Variants in PKP4 observed in about 807,000 individuals in gnomAD.
PKP4 encodes plakophilin 4, also known as plakophilin-4.
A neutral mutation model predicts 145.1 loss-of-function variants in PKP4; 90 were observed. That is an observed-to-expected ratio of 0.62 (90% CI 0.52 to 0.74). The LOEUF is 0.74. Ranked by LOEUF, PKP4 falls within the 30% of genes least tolerant of loss-of-function variation. The probability of loss-of-function intolerance (pLI) is 0.00; values close to 1 mark genes in which losing one functional copy is unlikely to be tolerated. For synonymous variants in PKP4, 563 were observed against 577.2 expected, an observed-to-expected ratio of 0.98 and a Z score of 0.35; for missense variants, 1,340 against 1,482.7, an observed-to-expected ratio of 0.90 and a Z score of 1.58.
Position 158,620,970 on chromosome 2 carries a change from T to A in PKP4, c.281-20T>A, listed in dbSNP as rs1206625675. On this transcript the variant is annotated intron_variant, in intron 4 of 21. Transcript: ENST00000389759. ...ATGTAATGTTATTATATTTAGCTGA[T>A]TAAACTTTTCTTGTTACAGACGTGC... 6.2e-7 allele frequency: 1 copy of A among 1,610,690 alleles called. No individual in the cohort carries two copies. Among genetic ancestry groups the A allele is most frequent in the South Asian group, 1.1e-5 (1 of 90,548 alleles).
At chr2:158,508,970 C>A (rs2041257576) in intron 1 of PKP4, among the ~76,000 whole-genome samples, 1 of 152,100 alleles carries the variant, frequency 6.6e-6, no homozygotes, top group Non-Finnish European at 1.5e-5. Context: ...AATGTACCAT[C>A]TTTGGGAGGT....
chr2:158,493,361 T>A (rs573651123), intron 1 of PKP4, among the ~76,000 whole-genome samples: 80 of 152,362 alleles, frequency 5.3e-4, no homozygotes, highest in African/African-American at 1.9e-3. Context: ...CCAAGTGTTT[T>A]TTCCACCAGT....
In PKP4 at chr2:158,509,269, C is replaced by T. The variant is rs116081526; in HGVS notation, c.-5-23911C>T. 9.8e-3 allele frequency among the ~76,000 whole-genome samples: 1,485 copies of T among 152,148 alleles called. 19 individuals are homozygous for T. Among genetic ancestry groups the T allele is most frequent in the South Asian group, 0.037 (180 of 4,824 alleles). ...CACTCTGAATAAATGAAGTATCAAG[C>T]AAAATTTTAAGAGTAACAATATTTT... On this transcript the variant is annotated intron_variant, in intron 1 of 21. Coordinates refer to ENST00000389759, the MANE Select transcript of PKP4 (RefSeq NM_003628.6).
At chr2:158,543,729 A>C (rs2044716906) in intron 2 of PKP4, among the ~76,000 whole-genome samples, 1 of 152,202 alleles carries the variant, frequency 6.6e-6, no homozygotes, top group South Asian at 2.1e-4. Context: ...TAAGTAATGC[A>C]AAGGATCAAG....
At chr2:158,480,031 G>T (rs1472788658) in intron 1 of PKP4, among the ~76,000 whole-genome samples, 1 of 152,140 alleles carries the variant, frequency 6.6e-6, no homozygotes, top group Non-Finnish European at 1.5e-5. Flanking sequence ...CGTTGATTCT[G>T]AACTGCTACT....
At chr2:158,662,517 T>C (rs964228474) in intron 13 of PKP4, 1 of 161,610 alleles carries the variant, frequency 6.2e-6, no homozygotes, top group Non-Finnish European at 1.3e-5. Context: ...CTTGGGGATA[T>C]AGTTGTCCCC....
intron 3 of PKP4, among the ~76,000 whole-genome samples, chr2:158,583,265 A>G (rs2048486706): frequency 6.6e-6 from 1 of 152,166 alleles, no homozygotes; most frequent in South Asian, 2.1e-4. Flanking sequence ...TGAGAGTAAA[A>G]GGGTCCAATA....
chr2:158,502,934 C>T (rs979058218), intron 1 of PKP4, among the ~76,000 whole-genome samples: 6 of 152,114 alleles, frequency 3.9e-5, no homozygotes, highest in Admixed American at 1.3e-4. Flanking sequence ...GCTCTGTGGT[C>T]GTCTATTTAT....
At chr2:158,627,999 T>G (rs2052979622) in intron 7 of PKP4, among the ~76,000 whole-genome samples, 1 of 151,872 alleles carries the variant, frequency 6.6e-6, no homozygotes, top group Non-Finnish European at 1.5e-5. Flanking sequence ...TATTTTTTTT[T>G]GAGACGGAGT....
intron 2 of PKP4, among the ~76,000 whole-genome samples, chr2:158,557,078 C>T (rs2046160043): frequency 6.6e-6 from 1 of 152,112 alleles, no homozygotes; most frequent in Non-Finnish European, 1.5e-5. Context: ...TCATGATCTA[C>T]ACCTCTAAAA....
rs144056673 is a variant in PKP4 at position 158,676,787 on chromosome 2, G to A, written c.3176G>A (p.Arg1059His). 242 of 1,613,608 alleles carry A rather than the reference G, an allele frequency of 1.5e-4. 1 individual carries two copies. The highest frequency in any genetic ancestry group is 2.0e-4 in the Non-Finnish European group (231 of 1,179,724). The change falls in exon 20 of 22, where the codon CGC becomes CAC. Residue 1059 changes from arginine to histidine, a missense_variant. By Grantham distance (29) the Arg-to-His change is conservative. Coordinates refer to ENST00000389759, the MANE Select transcript of PKP4 (RefSeq NM_003628.6). ...SPALLGIRDP[R>H]SEYDRTQPPM... ...GCACTGTTAGGAATCAGAGACCCTC[G>A]CTCTGAATACGATAGGACCCAGCCA...
chr2:158,512,429 G>A (rs1249366630), intron 1 of PKP4, among the ~76,000 whole-genome samples: 2 of 152,208 alleles, frequency 1.3e-5, no homozygotes, highest in Non-Finnish European at 2.9e-5. Context: ...CACAGCAGTG[G>A]TAGAGAGTTG....
chr2:158,554,321 C>T (rs2045889211), intron 2 of PKP4, among the ~76,000 whole-genome samples: 2 of 152,242 alleles, frequency 1.3e-5, no homozygotes, highest in South Asian at 4.1e-4. Flanking sequence ...AGGGCAGTCC[C>T]TTGGCTTTCT....
rs150795426 is a variant in PKP4, at chr2:158,529,171, C to G, written c.-5-4009C>G. ...TACCATTAGCTCCAAAAGGAAAGGC[C>G]TCCGTTATTGCTCCAACCTTTAATT... On this transcript the variant is annotated intron_variant, in intron 1 of 21. Transcript: ENST00000389759. 2.3e-3 allele frequency among the ~76,000 whole-genome samples: 346 copies of G among 152,280 alleles called. 1 individual carries two copies. The highest frequency in any genetic ancestry group is 3.7e-3 in the Non-Finnish European group (249 of 68,014).
chr2:158,619,343 T>C (rs2051969266), intron 4 of PKP4, among the ~76,000 whole-genome samples: 1 of 152,188 alleles, frequency 6.6e-6, no homozygotes. Flanking sequence ...AATTCCAAAC[T>C]GAAGCAATCA....
chr2:158,680,442 A>G lies in PKP4; in HGVS notation c.3344A>G (p.Tyr1115Cys). The G allele has an allele frequency of 6.2e-7, 1 of 1,610,412 alleles. No individual in the cohort carries two copies. The highest frequency in any genetic ancestry group is 8.5e-7 in the Non-Finnish European group (1 of 1,178,422). Residue 1115 changes from tyrosine (Y) to cysteine (C), a missense_variant, in exon 22 of 22, where the codon TAT (tyrosine) becomes TGT (cysteine). By Grantham distance (194) the Tyr-to-Cys change is radical. Transcript: ENST00000389759. ...QNRRLQHQQL[Y>C]YSQDDSNRKN... Reference sequence around the variant, plus strand: ...TTTTGTCAACAGCATCAACAGCTGTATTATAGTCAAGATGACTCCAACAGA... The same window carrying G: ...TTTTGTCAACAGCATCAACAGCTGTGTTATAGTCAAGATGACTCCAACAGA...
intron 10 of PKP4, 76 bp downstream of exon 10, chr2:158,640,835 A>G (rs2054218986): frequency 2.0e-6 from 3 of 1,486,236 alleles, no homozygotes. Context: ...TCTGTATTTA[A>G]GAAATTACCC....
chr2:158,608,642 C>CTTTCTAATA (rs1344950544), intron 4 of PKP4, among the ~76,000 whole-genome samples: 1 of 151,998 alleles, frequency 6.6e-6, no homozygotes, highest in African/African-American at 2.4e-5. Flanking sequence ...CTGGTATTTA[C>CTTTCTAATA]TTTCTAATAT....
chr2:158,574,175 A>G (rs2047647631), intron 2 of PKP4, among the ~76,000 whole-genome samples: 1 of 152,338 alleles, frequency 6.6e-6, no homozygotes, highest in East Asian at 1.9e-4. Context: ...TTTTCATAGT[A>G]TATTAGTAGC....
Sources: gnomAD v4.1 joint callset for allele counts (sites outside exome capture counted in the v4.1 genomes callset) on GRCh38, gnomAD v4.1.1 for gene constraint, MANE v1.5 for transcripts, NCBI Gene and HGNC (gene_info 2026-07-23, HGNC 2026-07-21) for gene names.